The following FLRT3 variants were observed in gnomAD, a reference collection of about 807,000 sequenced individuals.
FLRT3 encodes the protein fibronectin leucine rich transmembrane protein 3.
FLRT3 carries 17 observed loss-of-function variants against 42.6 expected under a neutral mutation model. The ratio of observed to expected loss-of-function variants is 0.40; its 90% CI spans 0.27 to 0.60. The LOEUF (loss-of-function observed/expected upper bound fraction) is 0.60. FLRT3 is among the 20% of genes least tolerant of loss of function. FLRT3 has a pLI of 0.44. For missense variants in FLRT3, 635 were observed against 789.2 expected (o/e 0.80, Z 2.34); for synonymous variants, 279 against 286.4 (o/e 0.97, Z 0.26).
chr20:14,331,588 C>T (rs538489844), intron 1 of FLRT3, among the ~76,000 whole-genome samples: 11 of 152,178 alleles, frequency 7.2e-5, no homozygotes, highest in Admixed American at 1.3e-4. Flanking sequence ...ATGAAGATTA[C>T]GTTCAGAGCT....
chr20:14,335,725 T>C (rs2082923722), intron 1 of FLRT3, among the ~76,000 whole-genome samples: 1 of 152,170 alleles, frequency 6.6e-6, no homozygotes, highest in South Asian at 2.1e-4. Context: ...TGTTTATTCA[T>C]TCACTAATAT....
At position 14,326,249 on chromosome 20, in the gene FLRT3, A is replaced by G; in HGVS notation, c.1258T>C (p.Ser420Pro). Reference protein sequence around the residue: ...TITITVKSVTSDTIHISWKLA... With the variant: ...TITITVKSVTPDTIHISWKLA... ...TTCCAAGAGATATGAATGGTATCAG[A>G]GGTGACAGACTTCACAGTAATTGTA... Residue 420 changes from serine to proline, a missense_variant, in exon 3 of 3, where the codon TCT becomes CCT. Transcript: ENST00000341420. The surrounding 1 kb of genome is among the most constrained non-coding windows in gnomAD (Gnocchi z 5.5). 6.2e-7 allele frequency: 1 copy of G among 1,613,962 alleles called. No homozygotes were observed. The highest frequency in any genetic ancestry group is 2.2e-5 in the East Asian group (1 of 44,876).
chr20:14,325,819 C>T lies in FLRT3; in HGVS notation c.1688G>A (p.Cys563Tyr). 1 of 1,613,916 alleles carries T rather than the reference C, an allele frequency of 6.2e-7. No individual in the cohort carries two copies. The highest frequency in any genetic ancestry group is 1.3e-5 in the African/African-American group (1 of 75,018). Residue 563 changes from cysteine (C) to tyrosine (Y), a missense_variant, in exon 3 of 3, where the codon TGT (cysteine) becomes TAT (tyrosine). Transcript: ENST00000341420. ...HRNGSLFSRN[C>Y]AYSKGRRRKD... ...TCTTCTCCTCCCTTTGCTATATGCA[C>T]AGTTCCTTGAGAAGAGCGATCCATT...
rs922269526 is a variant in FLRT3, at chr20:14,327,399, G to T, written c.108C>A (p.Arg36=). The T allele has an allele frequency of 6.2e-7, 1 of 1,613,666 alleles. No homozygotes were observed. The highest frequency in any genetic ancestry group is 2.2e-5 in the East Asian group (1 of 44,854). The stretch of plus-strand genomic sequence containing the variant: ...TACAGTAAATGAAACCCGCATCGCA[G>T]CGACACACAGATGGACAGGATTTAG... ...VMAKSCPSVC[R]CDAGFIYCND... Residue 36 remains arginine (R), a synonymous_variant, in exon 3 of 3, where the codon CGC becomes CGA. Coordinates refer to ENST00000341420, the MANE Select transcript of FLRT3 (RefSeq NM_198391.3).
chr20:14,332,886 C>G (rs959247667), intron 1 of FLRT3, among the ~76,000 whole-genome samples: 1 of 151,990 alleles, frequency 6.6e-6, no homozygotes, highest in Non-Finnish European at 1.5e-5. Flanking sequence ...AAAGCTCAAC[C>G]TGTGAATGCT....
intron 2 of FLRT3, among the ~76,000 whole-genome samples, chr20:14,328,701 T>G (rs1019898601): frequency 6.6e-6 from 1 of 152,140 alleles, no homozygotes; most frequent in Non-Finnish European, 1.5e-5. Context: ...TCTTCACCGT[T>G]TATTCAAGTA....
chr20:14,334,692 C>A (rs185020666), intron 1 of FLRT3, among the ~76,000 whole-genome samples: 3 of 151,378 alleles, frequency 2.0e-5, no homozygotes, highest in Non-Finnish European at 2.9e-5. Flanking sequence ...GGAGGAAAGA[C>A]GGAGGGGAGA....
chr20:14,324,222 A>G lies in FLRT3; in HGVS notation c.*1335T>C, dbSNP rs1266961817. 6.6e-6 allele frequency: 1 copy of G among 152,572 alleles called. No homozygotes were observed. The highest frequency in any genetic ancestry group is 2.4e-5 in the African/African-American group (1 of 41,432). 9.5% of individuals were successfully genotyped at this position (152,572 alleles called of 1,614,324 possible). ...TTGTGGAGTTTTAAAAGCTGAATAC[A>G]TGTAGCGTTGGATCAAGGCACATAC... is the stretch of plus-strand genomic sequence containing the variant. On this transcript the variant is annotated 3_prime_UTR_variant, in exon 3 of 3. Transcript: ENST00000341420.
Position 14,325,447 on chromosome 20 carries a change from C to CT in FLRT3, c.*109dup, listed in dbSNP as rs968789992. ...TATATGGCAAATGTACAGTACATTG[C>CT]TTTTTTTCAGTCTCTTTTTCCAGTG... On this transcript the variant is annotated 3_prime_UTR_variant, in exon 3 of 3. Coordinates refer to ENST00000341420, the MANE Select transcript of FLRT3 (RefSeq NM_198391.3). 2.8e-5 allele frequency: 34 copies of CT among 1,210,610 alleles called. 1 individual carries two copies. The Middle Eastern group carries it at 3.8e-3, about 135-fold the overall frequency. 75.0% of individuals were successfully genotyped at this position (1,210,610 alleles called of 1,614,324 possible). A position where few individuals can be genotyped will look rare whatever the true frequency, so the allele number is the denominator to read the frequency against.
In FLRT3 at chr20:14,327,381, A is replaced by T. The variant is rs2082753725; in HGVS notation, c.126T>A (p.Ile42=). The T allele has an allele frequency of 6.8e-6, 11 of 1,613,574 alleles. No individual in the cohort carries two copies. The highest frequency in any genetic ancestry group is 9.3e-6 in the Non-Finnish European group (11 of 1,179,726). The change falls in exon 3 of 3, where the codon ATT becomes ATA. Residue 42 remains isoleucine, a synonymous_variant. Transcript: ENST00000341420. The part of the protein sequence containing the change: ...PSVCRCDAGF[I]YCNDRFLTSI... ...ATGTCAGAAAGCGATCATTACAGTA[A>T]ATGAAACCCGCATCGCAGCGACACA...
At chr20:14,334,315 A>G (rs988934808) in intron 1 of FLRT3, among the ~76,000 whole-genome samples, 1 of 152,192 alleles carries the variant, frequency 6.6e-6, no homozygotes, top group Non-Finnish European at 1.5e-5. Context: ...TGAAATGTGT[A>G]TACCTATTTT....
chr20:14,335,148 G>T (rs909189855), intron 1 of FLRT3, among the ~76,000 whole-genome samples: 2 of 152,152 alleles, frequency 1.3e-5, no homozygotes, highest in Non-Finnish European at 2.9e-5. Flanking sequence ...CTTAGGGTGT[G>T]TGGCCAAGAA....
chr20:14,325,972 G>A lies in FLRT3; in HGVS notation c.1535C>T (p.Thr512Ile). 1 of 1,613,918 alleles carries A rather than the reference G, an allele frequency of 6.2e-7. No individual in the cohort carries two copies. Among genetic ancestry groups the A allele is most frequent in the African/African-American group, 1.3e-5 (1 of 75,022 alleles). Reference protein sequence around the residue: ...APLRMYNPTTTLNREQEKEPY... With the variant: ...APLRMYNPTTILNREQEKEPY... ...TTCTTTCTCTTGCTCTCGATTGAGG[G>A]TGGTTGTAGGGTTGTACATTCGAAG... Residue 512 changes from threonine to isoleucine, a missense_variant, in exon 3 of 3, where the codon ACC (threonine) becomes ATC (isoleucine). Coordinates refer to ENST00000341420, the MANE Select transcript of FLRT3 (RefSeq NM_198391.3).
intron 2 of FLRT3, 93 bp from the exon 3 acceptor site, chr20:14,327,651 TA>T: frequency 1.1e-6 from 1 of 899,918 alleles, no homozygotes; most frequent in Non-Finnish European, 1.6e-6. Context: ...AAAATATCCA[TA>T]ATCACTTTTA....
chr20:14,326,729 T>C lies in FLRT3; in HGVS notation c.778A>G (p.Asn260Asp). 2 of 1,613,782 alleles carry C rather than the reference T, an allele frequency of 1.2e-6. No individual in the cohort carries two copies. Among genetic ancestry groups the C allele is most frequent in the Non-Finnish European group, 1.7e-6 (2 of 1,179,812 alleles). ...RKLYLQDNHI[N>D]RVPPNAFSYL... ...GAAAAAGCATTTGGGGGCACCCGAT[T>C]GATGTGGTTATCTTGAAGATAAAGC... is the stretch of plus-strand genomic sequence containing the variant. The change falls in exon 3 of 3, where the codon AAT becomes GAT. Residue 260 changes from asparagine (N) to aspartate (D), a missense_variant. Coordinates refer to ENST00000341420, the MANE Select transcript of FLRT3 (RefSeq NM_198391.3). This position sits in a 1 kb window ranked among gnomAD's most constrained non-coding sequence, Gnocchi z 5.5.
At position 14,326,017 on chromosome 20, in the gene FLRT3, A is replaced by G. The variant is rs751022559; in HGVS notation, c.1490T>C (p.Ile497Thr). The part of the protein sequence containing the change: ...LYLFDETPVC[I>T]ETETAPLRMY... ...TCGAAGGGGTGCAGTTTCAGTCTCA[A>G]TACAAACAGGAGTTTCATCAAATAG... Residue 497 changes from isoleucine (I) to threonine (T), a missense_variant, in exon 3 of 3, where the codon ATT (isoleucine) becomes ACT (threonine). Transcript: ENST00000341420. This position sits in a 1 kb window ranked among gnomAD's most constrained non-coding sequence, Gnocchi z 5.5. 3 of 1,613,906 alleles carry G rather than the reference A, an allele frequency of 1.9e-6. No individual in the cohort carries two copies. Among genetic ancestry groups the G allele is most frequent in the South Asian group, 1.1e-5 (1 of 91,086 alleles).
At position 14,327,303 on chromosome 20, in the gene FLRT3, G is replaced by A. The variant is rs777736282; in HGVS notation, c.204C>T (p.Asn68=). Reference sequence around the variant, plus strand: ...AAGGAATCCCAGCATTATTTATTTGGTTGTTCTGAAGGTAGAGAGTTGTAG... The same window carrying A: ...AAGGAATCCCAGCATTATTTATTTGATTGTTCTGAAGGTAGAGAGTTGTAG... ...EDATTLYLQN[N]QINNAGIPSD... Residue 68 remains asparagine, a synonymous_variant, in exon 3 of 3, where the codon AAC becomes AAT. Coordinates refer to ENST00000341420, the MANE Select transcript of FLRT3 (RefSeq NM_198391.3). 6.2e-7 allele frequency: 1 copy of A among 1,613,674 alleles called. No individual in the cohort carries two copies.
chr20:14,332,480 A>T (rs926534268), intron 1 of FLRT3, among the ~76,000 whole-genome samples: 6 of 152,168 alleles, frequency 3.9e-5, no homozygotes, highest in African/African-American at 1.4e-4. Flanking sequence ...TTAGATTAAG[A>T]TGAAGCTGTA....
chr20:14,325,317 T>C lies in FLRT3; in HGVS notation c.*240A>G. 1 of 368,574 alleles carries C rather than the reference T, an allele frequency of 2.7e-6. No homozygotes were observed. The highest frequency in any genetic ancestry group is 4.6e-5 in the East Asian group (1 of 21,692). 22.8% of individuals were successfully genotyped at this position (368,574 alleles called of 1,614,324 possible). ...GCAAGGAAAATACAGTACAAATTAC[T>C]AAAAAATACTAAAATATAGAATTGT... On this transcript the variant is annotated 3_prime_UTR_variant, in exon 3 of 3. Coordinates refer to ENST00000341420, the MANE Select transcript of FLRT3 (RefSeq NM_198391.3).
Sources: allele counts gnomAD v4.1 joint callset (sites outside exome capture counted in the v4.1 genomes callset), GRCh38; gene constraint gnomAD v4.1.1; non-coding constraint Gnocchi (gnomAD v3.1); transcripts MANE v1.5; gene names NCBI Gene and HGNC (gene_info 2026-07-23, HGNC 2026-07-21).